RARB: variants seen among roughly 807,000 people sequenced by gnomAD.
The protein encoded by RARB is retinoic acid receptor beta, also known as HBV-activated protein.
In RARB, 17 loss-of-function variants were observed where a neutral mutation model predicts 51.9. The ratio of observed to expected loss-of-function variants is 0.33; its 90% CI spans 0.22 to 0.49. RARB has a LOEUF of 0.49. RARB is among the 20% of genes least tolerant of loss of function. The pLI is 0.99. For synonymous variants in RARB, 215 were observed against 195.4 expected, an observed-to-expected ratio of 1.10 and a Z score of -0.84; for missense variants, 369 against 550.8, an observed-to-expected ratio of 0.67 and a Z score of 3.30.
At chr3:24,854,418 C>T (rs867810334) in intron 1 of RARB, among the ~76,000 whole-genome samples, 3 of 152,162 alleles carry the variant, frequency 2.0e-5, no homozygotes, top group Non-Finnish European at 4.4e-5. Flanking sequence ...CATTCTATTG[C>T]TGGGGAAAGG....
At chr3:25,128,440 TATA>T (rs1699894709) in intron 3 of RARB, among the ~76,000 whole-genome samples, 2 of 148,770 alleles carry the variant, frequency 1.3e-5, no homozygotes, top group Admixed American at 6.7e-5. Flanking sequence ...AAATTATTCA[TATA>T]ATTTATATAT....
chr3:25,053,062 T>C (rs1404449225), intron 2 of RARB, among the ~76,000 whole-genome samples: 1 of 152,028 alleles, frequency 6.6e-6, no homozygotes, highest in Non-Finnish European at 1.5e-5. Context: ...AATTGAAACA[T>C]TGAAAATTGG....
At chr3:25,134,974 A>G (rs2125334631) in intron 4 of RARB, among the ~76,000 whole-genome samples, 1 of 152,078 alleles carries the variant, frequency 6.6e-6, no homozygotes, top group South Asian at 2.1e-4. Context: ...TTATGATGCC[A>G]CTGTTTAAAA....
intron 4 of RARB, among the ~76,000 whole-genome samples, chr3:25,578,190 C>G (rs188615155): frequency 1.3e-5 from 2 of 152,366 alleles, no homozygotes; most frequent in Admixed American, 1.3e-4. Flanking sequence ...GGCCAGGGCT[C>G]TCCATTTGCC....
intron 3 of RARB, among the ~76,000 whole-genome samples, chr3:25,113,786 C>T (rs186324353): frequency 9.2e-5 from 14 of 152,100 alleles, no homozygotes; most frequent in African/African-American, 3.4e-4. Context: ...TCCCTGGCAA[C>T]AGCCAGTGAC....
intron 2 of RARB, among the ~76,000 whole-genome samples, chr3:24,989,131 A>G (rs1002032373): frequency 2.0e-5 from 3 of 152,090 alleles, no homozygotes; most frequent in Non-Finnish European, 4.4e-5. Flanking sequence ...CGGCCCACTT[A>G]TTGTTTATTT....
At chr3:25,573,897 C>G (rs541454133) in intron 4 of RARB, among the ~76,000 whole-genome samples, 12 of 152,200 alleles carry the variant, frequency 7.9e-5, no homozygotes, top group Admixed American at 7.8e-4. Flanking sequence ...GTTGGGTCCC[C>G]GGAGACCGCA....
intron 5 of RARB, among the ~76,000 whole-genome samples, chr3:25,345,052 G>T (rs1705347448): frequency 6.6e-6 from 1 of 152,166 alleles, no homozygotes; most frequent in South Asian, 2.1e-4. Context: ...TGAGAGAGCA[G>T]ACATGCTGAA....
chr3:25,034,623 A>G (rs946998309), intron 2 of RARB, among the ~76,000 whole-genome samples: 9 of 152,228 alleles, frequency 5.9e-5, no homozygotes, highest in African/African-American at 2.2e-4. Flanking sequence ...TTCCAACACA[A>G]ACATCTGCCA....
chr3:25,082,927 T>A (rs576816928), intron 3 of RARB, among the ~76,000 whole-genome samples: 1 of 152,122 alleles, frequency 6.6e-6, no homozygotes, highest in Non-Finnish European at 1.5e-5. Context: ...AAGAATAATT[T>A]TGTTGGATAT....
chr3:24,842,775 C>T (rs1702435091), intron 1 of RARB, among the ~76,000 whole-genome samples: 1 of 152,168 alleles, frequency 6.6e-6, no homozygotes, highest in Non-Finnish European at 1.5e-5. Flanking sequence ...ATATATCACT[C>T]TTTATTTTGT....
chr3:25,009,996 T>C (rs1459009042), intron 2 of RARB, among the ~76,000 whole-genome samples: 1 of 152,120 alleles, frequency 6.6e-6, no homozygotes, highest in Non-Finnish European at 1.5e-5. Flanking sequence ...AAGTAGCCCC[T>C]CTTACCTTCT....
chr3:25,496,785 G>A (rs1047411371), intron 2 of RARB, among the ~76,000 whole-genome samples: 2 of 152,114 alleles, frequency 1.3e-5, no homozygotes, highest in African/African-American at 4.8e-5. Flanking sequence ...AATTTTCCTG[G>A]GTTTACTGAG....
upstream of RARB, among the ~76,000 whole-genome samples, chr3:25,426,834 G>A (rs751868891): frequency 1.2e-4 from 19 of 152,258 alleles, no homozygotes; most frequent in South Asian, 4.1e-4. Flanking sequence ...CTCTCCATCC[G>A]GCTGGGTTTA....
intron 2 of RARB, 96 bp from the exon 3 acceptor site, chr3:25,501,086 C>G: frequency 7.1e-7 from 1 of 1,406,234 alleles, no homozygotes; most frequent in Admixed American, 2.7e-5. Context: ...CTTCGTTACT[C>G]AAAAAGAGCA....
chr3:25,351,789 C>G (rs1375932324), intron 5 of RARB, among the ~76,000 whole-genome samples: 1 of 152,162 alleles, frequency 6.6e-6, no homozygotes, highest in Non-Finnish European at 1.5e-5. Flanking sequence ...AGTATGGCTA[C>G]TCTACTCACA....
At chr3:25,461,088 T>G in intron 1 of RARB, 105 bp from the exon 2 acceptor site, 1 of 1,318,946 alleles carries the variant, frequency 7.6e-7, no homozygotes, top group South Asian at 1.5e-5. Flanking sequence ...CTTGCTAGTG[T>G]TATTGCTGAA....
intron 1 of RARB, among the ~76,000 whole-genome samples, chr3:24,857,439 T>C (rs901652688): frequency 2.0e-5 from 3 of 152,244 alleles, no homozygotes; most frequent in African/African-American, 7.2e-5. Context: ...TTTGAATTTT[T>C]GATACACAAC....
intron 3 of RARB, among the ~76,000 whole-genome samples, chr3:25,096,718 C>T (rs2125319308): frequency 6.6e-6 from 1 of 152,192 alleles, no homozygotes; most frequent in South Asian, 2.1e-4. Flanking sequence ...GTTTCACCTC[C>T]TAGTATCTCA....
Sources: allele counts gnomAD v4.1 joint callset (sites outside exome capture counted in the v4.1 genomes callset), GRCh38; gene constraint gnomAD v4.1.1; transcripts MANE v1.5; gene names NCBI Gene and HGNC (gene_info 2026-07-23, HGNC 2026-07-21).